Variants in SYCE1 observed in about 807,000 individuals in gnomAD.
The protein encoded by SYCE1 is cancer/testis antigen 76.
Under a neutral mutation model 55.1 loss-of-function variants are expected in SYCE1, and 37 were observed. That is an observed-to-expected ratio of 0.67 (90% CI 0.52 to 0.88). The LOEUF is 0.88. SYCE1 is among the 40% of genes least tolerant of loss of function. The pLI is 0.00. For synonymous variants in SYCE1, 163 were observed against 159.4 expected, an observed-to-expected ratio of 1.02 and a Z score of -0.17; for missense variants, 399 against 416.4, an observed-to-expected ratio of 0.96 and a Z score of 0.36.
chr10:133,565,416 G>C (rs890935219), intron 1 of SYCE1, 41 bp downstream of exon 1: 1 of 1,497,734 alleles, frequency 6.7e-7, no homozygotes, highest in African/African-American at 1.4e-5. Flanking sequence ...GCCTCGGCGA[G>C]GTCAGACCCT....
chr10:133,561,874 G>A (rs1851822344), intron 1 of SYCE1, among the ~76,000 whole-genome samples: 1 of 152,116 alleles, frequency 6.6e-6, no homozygotes, highest in African/African-American at 2.4e-5. Flanking sequence ...GTGGAACAAG[G>A]CCTCTGAAGT....
In SYCE1 at chr10:133,555,062, A is replaced by C. The variant is rs780873366; in HGVS notation, c.986T>G (p.Ile329Arg). 13 of 1,551,474 alleles carry C rather than the reference A, an allele frequency of 8.4e-6. 1 individual carries two copies. The South Asian group carries it at 1.3e-4, about 16-fold the overall frequency. Reference protein sequence around the residue: ...AAHQAGPDVLIGQEDTLHPDL... With the variant: ...AAHQAGPDVLRGQEDTLHPDL... ...GGGGTGGAGTGTGTCCTCCTGGCCT[A>C]TGAGGACATCAGGCCCTGCTTGGTG... Residue 329 changes from isoleucine to arginine, a missense_variant, in exon 13 of 13, where the codon ATA becomes AGA. Transcript: ENST00000343131.
At chr10:133,554,348 C>T (rs1851598832), downstream of SYCE1, 4 of 1,613,502 alleles carry the variant, frequency 2.5e-6, no homozygotes. Flanking sequence ...AAAGGGATCG[C>T]TTTGTCATTA....
upstream of SYCE1, chr10:133,568,151 A>T: frequency 2.3e-6 from 2 of 866,138 alleles, no homozygotes; most frequent in Non-Finnish European, 3.7e-6. Context: ...ACAGAGGCAC[A>T]GGCCGCCCGT....
rs139237056 is a variant in SYCE1 at position 133,555,887 on chromosome 10, C to T, written c.612G>A (p.Ala204=). Residue 204 remains alanine, a synonymous_variant, in exon 10 of 13, where the codon GCG becomes GCA. Coordinates refer to ENST00000343131, the MANE Select transcript of SYCE1 (RefSeq NM_001143764.3). The stretch of plus-strand genomic sequence containing the variant: ...GCTGATGCTTCACGTCTTCCAGTGT[C>T]GCCTTGACCAGCTTCTCTGCAGCAC... ...QLLKEEKLVK[A]TLEDVKHQLC... 6.2e-6 allele frequency: 10 copies of T among 1,613,864 alleles called. No individual in the cohort carries two copies. Among genetic ancestry groups the T allele is most frequent in the African/African-American group, 5.3e-5 (4 of 74,918 alleles).
chr10:133,564,572 G>C (rs1275429066), intron 1 of SYCE1, among the ~76,000 whole-genome samples: 1 of 152,144 alleles, frequency 6.6e-6, no homozygotes, highest in Non-Finnish European at 1.5e-5. Flanking sequence ...GATGCTTTCT[G>C]TGCTAAGCTT....
At chr10:133,561,958 A>C (rs973421452) in intron 1 of SYCE1, among the ~76,000 whole-genome samples, 2 of 152,092 alleles carry the variant, frequency 1.3e-5, no homozygotes, top group African/African-American at 4.8e-5. Context: ...GGGGGGGAAG[A>C]TTTTTGATTT....
At chr10:133,561,916 G>C (rs189083592) in intron 1 of SYCE1, among the ~76,000 whole-genome samples, 1 of 152,114 alleles carries the variant, frequency 6.6e-6, no homozygotes, top group East Asian at 1.9e-4. Flanking sequence ...GGGGTGGTGG[G>C]GGAAGAAAAA....
At position 133,560,143 on chromosome 10, in the gene SYCE1, C is replaced by T. The variant is rs61135019; in HGVS notation, c.84G>A (p.Thr28=). The change falls in exon 2 of 13, where the codon ACG becomes ACA. Residue 28 remains threonine (T), a synonymous_variant. Transcript: ENST00000343131. ...TCAAGTCTTCAATTTTCTGTGAGGA[C>T]GTGTCCTGCCCTGTGGAGACAAAAC... ...DRAEKAGGQD[T]SSQKIEDLME... 7.2e-5 allele frequency: 117 copies of T among 1,613,980 alleles called. No homozygotes were observed. Among genetic ancestry groups the T allele is most frequent in the African/African-American group, 2.8e-4 (21 of 74,990 alleles).
chr10:133,564,295 A>G (rs1851877932), intron 1 of SYCE1: 1 of 758,468 alleles, frequency 1.3e-6, no homozygotes, highest in Non-Finnish European at 1.6e-6. Flanking sequence ...CAGACGCTGA[A>G]TTGCACCTTG....
At chr10:133,558,724 C>T (rs975619173) in intron 4 of SYCE1, 153 bp downstream of exon 4, 3 of 750,822 alleles carry the variant, frequency 4.0e-6, no homozygotes, top group Middle Eastern at 3.7e-4. Context: ...AACACTCCCA[C>T]AAGCAGAGAG....
At position 133,555,877 on chromosome 10, in the gene SYCE1, C is replaced by A; in HGVS notation, c.622G>T (p.Asp208Tyr). 6.2e-7 allele frequency: 1 copy of A among 1,614,064 alleles called. No homozygotes were observed. ...EEKLVKATLE[D>Y]VKHQLCSLCG... ...AGGGAGCACAGCTGATGCTTCACGT[C>A]TTCCAGTGTCGCCTTGACCAGCTTC... is the stretch of plus-strand genomic sequence containing the variant. Residue 208 changes from aspartate to tyrosine, a missense_variant, in exon 10 of 13, where the codon GAC (aspartate) becomes TAC (tyrosine). By Grantham distance (160) the Asp-to-Tyr change is radical (BLOSUM62 -3). Coordinates refer to ENST00000343131, the MANE Select transcript of SYCE1 (RefSeq NM_001143764.3).
chr10:133,568,222 C>T (rs1329214679), upstream of SYCE1: 1 of 1,295,988 alleles, frequency 7.7e-7, no homozygotes, highest in Non-Finnish European at 1.1e-6. Flanking sequence ...CCTGTTGCCT[C>T]CGGGAACCCA....
chr10:133,554,212 G>T, downstream of SYCE1: 4 of 1,374,770 alleles, frequency 2.9e-6, no homozygotes, highest in South Asian at 1.2e-5. Context: ...CGTCTGTCCT[G>T]GACTGACTGA....
At chr10:133,565,631 A>T (rs950442489), upstream of SYCE1, 13 of 1,172,840 alleles carry the variant, frequency 1.1e-5, no homozygotes, top group African/African-American at 1.8e-4. Flanking sequence ...CGCCTGCGCA[A>T]TGCACTCCTG....
chr10:133,556,115 G>A (rs1851677084), intron 8 of SYCE1, 68 bp from the exon 9 acceptor site: 9 of 1,574,944 alleles, frequency 5.7e-6, no homozygotes, highest in Non-Finnish European at 6.9e-6. Flanking sequence ...AAGGCTATCT[G>A]GATCTTGTTT....
At chr10:133,567,230 T>C (rs901551136), upstream of SYCE1, among the ~76,000 whole-genome samples, 3 of 149,554 alleles carry the variant, frequency 2.0e-5, no homozygotes, top group African/African-American at 7.4e-5. Flanking sequence ...TGTGTCGGGG[T>C]TGGGTTGGAG....
intron 1 of SYCE1, among the ~76,000 whole-genome samples, chr10:133,564,603 A>G (rs999933497): frequency 2.0e-5 from 3 of 152,104 alleles, no homozygotes; most frequent in Non-Finnish European, 4.4e-5. Context: ...TCAAACCTTC[A>G]TTTTGTAAGA....
At chr10:133,557,467 CAGG>C in intron 6 of SYCE1, 1 of 494,646 alleles carries the variant, frequency 2.0e-6, no homozygotes, top group Non-Finnish European at 3.6e-6. Flanking sequence ...TGAGCTAAAT[CAGG>C]AGGTGGAGAA....
Sources: allele counts gnomAD v4.1 joint callset (sites outside exome capture counted in the v4.1 genomes callset), GRCh38; gene constraint gnomAD v4.1.1; transcripts MANE v1.5; gene names NCBI Gene and HGNC (gene_info 2026-07-23, HGNC 2026-07-21).